The following SLC22A5 variants were observed in gnomAD, a reference collection of about 807,000 sequenced individuals.
The protein encoded by SLC22A5 is organic cation/carnitine transporter 2.
SLC22A5 carries 44 observed loss-of-function variants against 56.7 expected under a neutral mutation model. The observed-to-expected ratio is 0.78, with a 90% CI of 0.61 to 1.00. The LOEUF is 1.00. Ranked by LOEUF, SLC22A5 falls within the 50% of genes least tolerant of loss-of-function variation. SLC22A5 has a pLI of 0.00. For synonymous variants in SLC22A5, 278 were observed against 292.1 expected (o/e 0.95, Z 0.49); for missense variants, 675 against 723.0 (o/e 0.93, Z 0.76).
At position 132,393,697 on chromosome 5, in the gene SLC22A5, C is replaced by T; in HGVS notation, c.1472C>T (p.Pro491Leu). Residue 491 changes from proline to leucine, a missense_variant, in exon 9 of 10, where the codon CCC (proline) becomes CTC (leucine). By Grantham distance (98) the Pro-to-Leu change is moderately conservative. Coordinates refer to ENST00000245407, the MANE Select transcript of SLC22A5 (RefSeq NM_003060.4). ...VYLGAYDRFL[P>L]YILMGSLTIL... ...ATAGGTGCCTACGACCGCTTCCTGC[C>T]CTACATTCTCATGGGAAGTCTGACC... The T allele has an allele frequency of 6.2e-7, 1 of 1,614,156 alleles. No individual in the cohort carries two copies. Among genetic ancestry groups the T allele is most frequent in the Non-Finnish European group, 8.5e-7 (1 of 1,180,030 alleles).
At chr5:132,370,956 T>TTTTTTTTTTTTTC (rs1317060151) in intron 1 of SLC22A5, among the ~76,000 whole-genome samples, 1 of 149,748 alleles carries the variant, frequency 6.7e-6, no homozygotes, top group East Asian at 2.0e-4. Flanking sequence ...TGTCAGTCTT[T>TTTTTTTTTTTTTC]TTTTTTTTTG....
intron 1 of SLC22A5, chr5:132,377,472 G>C (rs1460433780): frequency 6.6e-6 from 1 of 152,244 alleles, no homozygotes; most frequent in Non-Finnish European, 1.5e-5. Context: ...TCATTTTTCT[G>C]TGAACCACTA....
intron 5 of SLC22A5, 53 bp from the exon 6 acceptor site, chr5:132,388,868 C>CT: frequency 8.8e-7 from 1 of 1,134,560 alleles, no homozygotes; most frequent in Non-Finnish European, 1.3e-6. Flanking sequence ...ATTGTGTGCT[C>CT]TGAGTCTCTG....
Position 132,393,726 on chromosome 5 carries a change from C to T in SLC22A5, c.1501C>T (p.Leu501=), listed in dbSNP as rs1476878301. ...CATTCTCATGGGAAGTCTGACCATC[C>T]TGACAGCCATCCTCACCTTGTTTCT... ...PYILMGSLTI[L]TAILTLFLPE... is the part of the protein sequence containing the mutation. Residue 501 remains leucine, a synonymous_variant, in exon 9 of 10, where the codon CTG becomes TTG. Coordinates refer to ENST00000245407, the MANE Select transcript of SLC22A5 (RefSeq NM_003060.4). The T allele has an allele frequency of 6.2e-7, 1 of 1,614,138 alleles. No individual in the cohort carries two copies. Among genetic ancestry groups the T allele is most frequent in the Non-Finnish European group, 8.5e-7 (1 of 1,179,986 alleles).
At chr5:132,375,507 CAGGTA>C (rs1469520683) in intron 1 of SLC22A5, among the ~76,000 whole-genome samples, 1 of 152,208 alleles carries the variant, frequency 6.6e-6, no homozygotes, top group African/African-American at 2.4e-5. Flanking sequence ...TGCCAATTCA[CAGGTA>C]AGAACATTTA....
chr5:132,389,058 AG>A, intron 6 of SLC22A5, 37 bp downstream of exon 6: 1 of 1,382,296 alleles, frequency 7.2e-7, no homozygotes, highest in Non-Finnish European at 1.0e-6. Flanking sequence ...TTCCAGACAA[AG>A]CTTCTTGAAG....
At chr5:132,392,726 T>C in intron 8 of SLC22A5, 111 bp downstream of exon 8, 1 of 902,804 alleles carries the variant, frequency 1.1e-6, no homozygotes, top group South Asian at 1.4e-5. Flanking sequence ...ATACAGTACA[T>C]GGGCTCCATC....
At position 132,392,733 on chromosome 5, in the gene SLC22A5, C is replaced by T. The variant is rs888720932; in HGVS notation, c.1450+118C>T. The stretch of plus-strand genomic sequence containing the variant: ...ACAAGTTCATACAGTACATGGGCTC[C>T]ATCCAGTACTGGATCTTTGGCCGGG... On this transcript the variant is annotated intron_variant, in intron 8 of 9. Transcript: ENST00000245407. 2.5e-5 allele frequency: 21 copies of T among 852,766 alleles called. No individual in the cohort carries two copies. In the South Asian group the frequency reaches 3.0e-4, roughly 12 times the overall value. The allele number at this position is 852,766 out of a possible 1,614,324, so 52.8% of individuals were successfully genotyped here. A position where few individuals can be genotyped will look rare whatever the true frequency, so the allele number is the denominator to read the frequency against.
At position 132,384,267 on chromosome 5, in the gene SLC22A5, C is replaced by T. The variant is rs1752448479; in HGVS notation, c.618C>T (p.Gly206=). 1.2e-6 allele frequency: 2 copies of T among 1,614,206 alleles called. No individual in the cohort carries two copies. The highest frequency in any genetic ancestry group is 1.3e-5 in the African/African-American group (1 of 75,042). The change falls in exon 3 of 10, where the codon GGC becomes GGT. Residue 206 remains glycine, a synonymous_variant. Coordinates refer to ENST00000245407, the MANE Select transcript of SLC22A5 (RefSeq NM_003060.4). ...FVVLFVLVGM[G]QISNYVAAFV... is the part of the protein sequence containing the mutation. ...TGCTGTTTGTCCTTGTAGGCATGGG[C>T]CAGATCTCCAACTATGTGGCAGCAT...
At chr5:132,371,709 T>C (rs952537388) in intron 1 of SLC22A5, among the ~76,000 whole-genome samples, 1 of 152,070 alleles carries the variant, frequency 6.6e-6, no homozygotes, top group Non-Finnish European at 1.5e-5. Context: ...GGTGTTCAGC[T>C]CAGCATAATA....
At chr5:132,382,008 A>C (rs769448169) in intron 2 of SLC22A5, 1 of 152,142 alleles carries the variant, frequency 6.6e-6, no homozygotes, top group African/African-American at 2.4e-5. Context: ...GGGAAAGTAG[A>C]GTCTACTACC....
intron 4 of SLC22A5, 48 bp from the exon 5 acceptor site, chr5:132,386,977 C>A: frequency 6.2e-7 from 1 of 1,609,784 alleles, no homozygotes; most frequent in South Asian, 1.1e-5. Flanking sequence ...GTCTGTGGGT[C>A]TGCTGTTGGC....
In SLC22A5 at chr5:132,395,271, G is replaced by A. The variant is rs1580897658; in HGVS notation, c.*999G>A. 1.3e-5 allele frequency: 2 copies of A among 149,860 alleles called. No homozygotes were observed. The highest frequency in any genetic ancestry group is 2.5e-5 in the African/African-American group (1 of 40,490). 9.3% of individuals were successfully genotyped at this position (149,860 alleles called of 1,614,324 possible). On this transcript the variant is annotated 3_prime_UTR_variant, in exon 10 of 10. Transcript: ENST00000245407. ...GCAATTGTCTGCAGCTGCCACTGGT[G>A]CAAGGCCTTACCAGCCCTAGCCTCT...
rs1311768713 is a variant in SLC22A5, at chr5:132,369,719, G to A, written c.-254G>A. ...GTCCCGCCCCAGCTCCGCCTTCGCC[G>A]GCGCCGCTCTGCCTGCCAGCGGGGC... On this transcript the variant is annotated 5_prime_UTR_variant, in exon 1 of 10. Coordinates refer to ENST00000245407, the MANE Select transcript of SLC22A5 (RefSeq NM_003060.4). 1.6e-5 allele frequency: 7 copies of A among 438,018 alleles called. No individual in the cohort carries two copies. In the South Asian group the frequency reaches 4.2e-4, roughly 26 times the overall value. 27.1% of individuals were successfully genotyped at this position (438,018 alleles called of 1,614,324 possible). A position where few individuals can be genotyped will look rare whatever the true frequency, so the allele number is the denominator to read the frequency against.
chr5:132,375,189 T>C (rs1356492523), intron 1 of SLC22A5, among the ~76,000 whole-genome samples: 4 of 152,216 alleles, frequency 2.6e-5, no homozygotes, highest in African/African-American at 9.6e-5. Flanking sequence ...ATTCATTCAC[T>C]CACCTATGTA....
intron 3 of SLC22A5, 99 bp from the exon 4 acceptor site, chr5:132,385,229 G>A (rs1191145314): frequency 3.6e-5 from 39 of 1,084,216 alleles, no homozygotes; most frequent in South Asian, 5.0e-5. Context: ...GAGAGTTCTC[G>A]CTGTTTTCTT....
chr5:132,382,754 AT>A (rs2126780641), intron 2 of SLC22A5: 1 of 152,358 alleles, frequency 6.6e-6, no homozygotes, highest in South Asian at 2.1e-4. Context: ...GTGTTGTTAG[AT>A]TAAAATGTGG....
intron 4 of SLC22A5, among the ~76,000 whole-genome samples, chr5:132,386,634 G>A (rs1388485016): frequency 6.6e-6 from 1 of 152,198 alleles, no homozygotes; most frequent in East Asian, 1.9e-4. Flanking sequence ...AGCTTCTGTT[G>A]GTGCCGGGGA....
chr5:132,384,331 T>A (rs1268481993), intron 3 of SLC22A5, 30 bp downstream of exon 3: 1 of 1,604,154 alleles, frequency 6.2e-7, no homozygotes, highest in Non-Finnish European at 8.5e-7. Flanking sequence ...GTTGAGTACT[T>A]GATCCTGTAT....
Sources: gnomAD v4.1 joint callset for allele counts (sites outside exome capture counted in the v4.1 genomes callset) on GRCh38, gnomAD v4.1.1 for gene constraint, MANE v1.5 for transcripts, NCBI Gene and HGNC (gene_info 2026-07-23, HGNC 2026-07-21) for gene names.